Variants in ZDHHC21 observed in about 807,000 individuals in gnomAD.
The protein encoded by ZDHHC21 is zDHHC palmitoyltransferase 21, also known as palmitoyltransferase ZDHHC21.
In ZDHHC21, 15 loss-of-function variants were observed where a neutral mutation model predicts 34.6. The ratio of observed to expected loss-of-function variants is 0.43; its 90% CI spans 0.29 to 0.67. The LOEUF is 0.67. Ranked by LOEUF, ZDHHC21 falls within the 30% of genes least tolerant of loss-of-function variation. ZDHHC21 has a pLI of 0.14. For missense variants in ZDHHC21, 344 were observed against 327.7 expected (o/e 1.05, Z -0.38); for synonymous variants, 142 against 101.8 (o/e 1.40, Z -2.38).
downstream of ZDHHC21, among the ~76,000 whole-genome samples, chr9:14,609,792 A>T (rs190016504): frequency 6.6e-6 from 1 of 152,168 alleles, no homozygotes; most frequent in East Asian, 1.9e-4. Flanking sequence ...AACTAACTAA[A>T]CTTTAAGAAA....
chr9:14,615,072 A>C lies in ZDHHC21; in HGVS notation c.*3894T>G, dbSNP rs764849169. The C allele has an allele frequency of 1.3e-4, 20 of 151,796 alleles. No homozygotes were observed. The highest frequency in any genetic ancestry group is 2.1e-4 in the Non-Finnish European group (14 of 67,664). 9.4% of individuals were successfully genotyped at this position (151,796 alleles called of 1,614,324 possible). On this transcript the variant is annotated 3_prime_UTR_variant, in exon 10 of 10. Transcript: ENST00000380916. ...GGCATATTAAACCAGAGCTTGGTACATTGTGATTTTATAGCAATACATGTG... is the reference window on the plus strand; with the variant it reads ...GGCATATTAAACCAGAGCTTGGTACCTTGTGATTTTATAGCAATACATGTG...
intron 3 of ZDHHC21, among the ~76,000 whole-genome samples, chr9:14,676,942 G>A (rs1255831481): frequency 6.6e-6 from 1 of 151,868 alleles, no homozygotes; most frequent in Non-Finnish European, 1.5e-5. Flanking sequence ...ACTAAAAACA[G>A]AACATGAATT....
At chr9:14,625,976 T>C (rs1826137623) in intron 8 of ZDHHC21, among the ~76,000 whole-genome samples, 1 of 151,888 alleles carries the variant, frequency 6.6e-6, no homozygotes, top group South Asian at 2.1e-4. Flanking sequence ...AATTATATAG[T>C]AACATAGAGA....
Position 14,615,693 on chromosome 9 carries a change from G to GA in ZDHHC21, c.*3272dup, listed in dbSNP as rs969034280. The GA allele has an allele frequency of 2.0e-5, 3 of 151,518 alleles. No homozygotes were observed. Among genetic ancestry groups the GA allele is most frequent in the Non-Finnish European group, 3.0e-5 (2 of 67,686 alleles). 9.4% of individuals were successfully genotyped at this position (151,518 alleles called of 1,614,324 possible). On this transcript the variant is annotated 3_prime_UTR_variant, in exon 10 of 10. Transcript: ENST00000380916. The stretch of plus-strand genomic sequence containing the variant: ...TTTGCCTACAATCTTAAGCCTACAT[G>GA]AAGCCCATAAACATTTTTGTTTGCA...
At chr9:14,676,975 G>T (rs1445073976) in intron 3 of ZDHHC21, among the ~76,000 whole-genome samples, 1 of 151,906 alleles carries the variant, frequency 6.6e-6, no homozygotes, top group Non-Finnish European at 1.5e-5. Context: ...TATGAGAGTA[G>T]CTTAAATTTA....
At chr9:14,658,059 A>C (rs1754754448) in intron 7 of ZDHHC21, among the ~76,000 whole-genome samples, 1 of 152,190 alleles carries the variant, frequency 6.6e-6, no homozygotes. Context: ...GATGAAAGGC[A>C]GGGAGAAAAA....
At chr9:14,624,117 T>A (rs1050831507) in intron 8 of ZDHHC21, among the ~76,000 whole-genome samples, 1 of 151,974 alleles carries the variant, frequency 6.6e-6, no homozygotes, top group African/African-American at 2.4e-5. Context: ...TAAATAATAA[T>A]ATGAATTAAA....
At chr9:14,644,598 T>C (rs1325372801) in intron 7 of ZDHHC21, among the ~76,000 whole-genome samples, 1 of 152,054 alleles carries the variant, frequency 6.6e-6, no homozygotes. Context: ...GTAACCTGAA[T>C]GAATCCTGAA....
chr9:14,645,390 T>C (rs139624991), intron 7 of ZDHHC21, among the ~76,000 whole-genome samples: 42 of 152,168 alleles, frequency 2.8e-4, no homozygotes, highest in African/African-American at 9.6e-4. Context: ...GCTAAATCAA[T>C]TGACTATTCA....
intron 7 of ZDHHC21, among the ~76,000 whole-genome samples, chr9:14,654,408 A>G (rs951371197): frequency 1.4e-5 from 2 of 147,634 alleles, no homozygotes; most frequent in African/African-American, 5.0e-5. Flanking sequence ...AAAAAAAAAG[A>G]GTAAATCAAA....
downstream of ZDHHC21, among the ~76,000 whole-genome samples, chr9:14,606,350 C>G (rs1387800495): frequency 6.6e-6 from 1 of 152,160 alleles, no homozygotes; most frequent in Non-Finnish European, 1.5e-5. Context: ...CCACTGTCTT[C>G]TAGAACCCAG....
chr9:14,644,086 T>A (rs936596942), intron 7 of ZDHHC21, among the ~76,000 whole-genome samples: 4 of 152,202 alleles, frequency 2.6e-5, no homozygotes, highest in African/African-American at 9.7e-5. Flanking sequence ...TTTCGTTAAG[T>A]TTCTTCTAAA....
In ZDHHC21 at chr9:14,613,000, C is replaced by T. The variant is rs947236416; in HGVS notation, c.*5966G>A. On this transcript the variant is annotated 3_prime_UTR_variant, in exon 10 of 10. Coordinates refer to ENST00000380916, the MANE Select transcript of ZDHHC21 (RefSeq NM_178566.6). The stretch of plus-strand genomic sequence containing the variant: ...CATTTATATAAATTAGAGTTCTTAC[C>T]TTTTTATTCATTGTTGCAGAAATAA... 1.3e-5 allele frequency: 2 copies of T among 151,690 alleles called. No individual in the cohort carries two copies. The highest frequency in any genetic ancestry group is 6.6e-5 in the Admixed American group (1 of 15,180). 9.4% of individuals were successfully genotyped at this position (151,690 alleles called of 1,614,324 possible).
chr9:14,590,138 T>C, the ZDHHC21 span: 1 of 152,006 alleles, frequency 6.6e-6, no homozygotes, highest in African/African-American at 2.4e-5. Context: ...AGATGAAAAA[T>C]ACAATATCTA....
intron 8 of ZDHHC21, among the ~76,000 whole-genome samples, chr9:14,620,444 T>C (rs1018607343): frequency 6.6e-6 from 1 of 152,066 alleles, no homozygotes; most frequent in Non-Finnish European, 1.5e-5. Context: ...TTATTTGTAT[T>C]TTAAATATAT....
chr9:14,664,366 G>T (rs925553579), intron 5 of ZDHHC21, among the ~76,000 whole-genome samples: 1 of 151,420 alleles, frequency 6.6e-6, no homozygotes, highest in African/African-American at 2.4e-5. Context: ...CTATGCCCAC[G>T]GAGTCTCGCT....
In ZDHHC21 at chr9:14,614,301, G is replaced by A. The variant is rs1823814845; in HGVS notation, c.*4665C>T. The A allele has an allele frequency of 2.6e-4, 1 of 3,868 alleles. No homozygotes were observed. The highest frequency in any genetic ancestry group is 4.0e-3 in the South Asian group (1 of 248). 0.2% of individuals were successfully genotyped at this position (3,868 alleles called of 1,614,324 possible). A position where few individuals can be genotyped will look rare whatever the true frequency, so the allele number is the denominator to read the frequency against. On this transcript the variant is annotated 3_prime_UTR_variant, in exon 10 of 10. Transcript: ENST00000380916. ...AATGGAAAGTATCAGTAATATCAAT[G>A]ACTTTTTAAAATACCATTGTTATTT...
intron 7 of ZDHHC21, among the ~76,000 whole-genome samples, chr9:14,653,447 T>G (rs1485556500): frequency 2.6e-5 from 4 of 152,044 alleles, no homozygotes; most frequent in Non-Finnish European, 5.9e-5. Flanking sequence ...ACTGCTGAAG[T>G]AAGAACATTA....
the ZDHHC21 span, among the ~76,000 whole-genome samples, chr9:14,596,425 G>C: frequency 6.6e-6 from 1 of 152,202 alleles, no homozygotes; most frequent in Non-Finnish European, 1.5e-5. Flanking sequence ...TGGCTACCTG[G>C]AAATGGGTGG....
Sources: allele counts gnomAD v4.1 joint callset (sites outside exome capture counted in the v4.1 genomes callset), GRCh38; gene constraint gnomAD v4.1.1; transcripts MANE v1.5; gene names NCBI Gene and HGNC (gene_info 2026-07-23, HGNC 2026-07-21).